The following ELFN1 variants were observed in gnomAD, a reference collection of about 807,000 sequenced individuals.
ELFN1 encodes the protein protein ELFN1.
In ELFN1, 6 loss-of-function variants were observed where a neutral mutation model predicts 7.6. That is an observed-to-expected ratio of 0.79 (90% CI 0.43 to 1.56). The LOEUF (loss-of-function observed/expected upper bound fraction) is 1.56, where lower values mean the gene tolerates loss of function less well. ELFN1 is among the 40% of genes most tolerant of loss of function. ELFN1 has a pLI of 0.01. For synonymous variants in ELFN1, 657 were observed against 588.1 expected, an observed-to-expected ratio of 1.12 and a Z score of -1.70; for missense variants, 1,169 against 1,232.2, an observed-to-expected ratio of 0.95 and a Z score of 0.77.
intron 3 of ELFN1, among the ~76,000 whole-genome samples, chr7:1,736,133 C>T (rs1780435493): frequency 1.3e-5 from 2 of 152,184 alleles, no homozygotes; most frequent in South Asian, 2.1e-4. Flanking sequence ...ATGGGCTCTG[C>T]GGCAGAGCCC....
chr7:1,689,389 G>T (rs1779115264), intron 2 of ELFN1, among the ~76,000 whole-genome samples: 1 of 152,198 alleles, frequency 6.6e-6, no homozygotes, highest in South Asian at 2.1e-4. Context: ...TAAGTGAGGG[G>T]AACAAAAGAT....
At position 1,744,950 on chromosome 7, in the gene ELFN1, C is replaced by T; in HGVS notation, c.354C>T (p.Asn118=). The T allele has an allele frequency of 6.4e-7, 1 of 1,551,602 alleles. No individual in the cohort carries two copies. Among genetic ancestry groups the T allele is most frequent in the Non-Finnish European group, 8.7e-7 (1 of 1,147,108 alleles). ...TGCAGGTGCTGCAGCTGGGCTACAACCGGCTGCGCAACCTCACGGAGGGCA... is the reference window on the plus strand; with the variant it reads ...TGCAGGTGCTGCAGCTGGGCTACAATCGGCTGCGCAACCTCACGGAGGGCA... ...FNLQVLQLGY[N]RLRNLTEGML... The change falls in exon 4 of 4, where the codon AAC becomes AAT. Residue 118 remains asparagine, a synonymous_variant. Transcript: ENST00000424383.
chr7:1,688,643 A>T (rs1381617307), intron 2 of ELFN1, among the ~76,000 whole-genome samples: 1 of 152,198 alleles, frequency 6.6e-6, no homozygotes, highest in Non-Finnish European at 1.5e-5. Context: ...CTATTTTAAG[A>T]CAATTGTACA....
At chr7:1,686,389 T>C (rs1322980948) in intron 1 of ELFN1, among the ~76,000 whole-genome samples, 1 of 149,656 alleles carries the variant, frequency 6.7e-6, no homozygotes, top group Non-Finnish European at 1.5e-5. Flanking sequence ...CATAGCTCAC[T>C]GCAGCCTGGA....
rs878915853 is a variant in ELFN1 at position 1,747,060 on chromosome 7, G to A, written c.2464G>A (p.Val822Met). 2.6e-6 allele frequency: 4 copies of A among 1,520,126 alleles called. No homozygotes were observed. Among genetic ancestry groups the A allele is most frequent in the East Asian group, 2.5e-5 (1 of 39,740 alleles). The allele number at this position is 1,520,126 out of a possible 1,614,324, so 94.2% of individuals were successfully genotyped here. A position where few individuals can be genotyped will look rare whatever the true frequency, so the allele number is the denominator to read the frequency against. ...LHDILDYWKG[V>M]SAQHKS ...CGACATCCTGGACTACTGGAAGGGC[G>A]TGTCGGCCCAGCACAAGTCCTGAGC... The change falls in exon 4 of 4, where the codon GTG becomes ATG. Residue 822 changes from valine to methionine, a missense_variant. Val to Met is a conservative substitution (Grantham distance 21). Around this residue, in one of 2 missense-constraint regions of ELFN1, gnomAD observed 914 missense variants for 872.6 expected, o/e 1.05. Coordinates refer to ENST00000424383, the MANE Select transcript of ELFN1 (RefSeq NM_001128636.4).
intron 3 of ELFN1, among the ~76,000 whole-genome samples, chr7:1,714,422 C>A (rs1351157901): frequency 6.6e-6 from 1 of 152,204 alleles, no homozygotes; most frequent in Non-Finnish European, 1.5e-5. Flanking sequence ...TCAAGCCTAC[C>A]GCCTTCCTCT....
chr7:1,714,638 C>T (rs1167025427), intron 3 of ELFN1, among the ~76,000 whole-genome samples: 1 of 152,186 alleles, frequency 6.6e-6, no homozygotes, highest in East Asian at 1.9e-4. Context: ...CCTACTATTG[C>T]TTTATTAAAA....
chr7:1,714,396 C>A (rs1368339885), intron 3 of ELFN1, among the ~76,000 whole-genome samples: 2 of 152,224 alleles, frequency 1.3e-5, no homozygotes, highest in Admixed American at 6.5e-5. Context: ...CACCACCCCC[C>A]ACACCACCTC....
chr7:1,700,142 G>T (rs1300886097), intron 2 of ELFN1, among the ~76,000 whole-genome samples: 1 of 152,164 alleles, frequency 6.6e-6, no homozygotes, highest in East Asian at 1.9e-4. Context: ...GGGGCTGCTG[G>T]GTGAAAGGCC....
intron 1 of ELFN1, among the ~76,000 whole-genome samples, chr7:1,680,672 C>T (rs1337221870): frequency 6.6e-6 from 1 of 151,870 alleles, no homozygotes; most frequent in Admixed American, 6.6e-5. Flanking sequence ...TCATGCCCAA[C>T]TGTAGTCAGC....
At chr7:1,731,030 A>G (rs1780314638) in intron 3 of ELFN1, among the ~76,000 whole-genome samples, 1 of 152,242 alleles carries the variant, frequency 6.6e-6, no homozygotes. Flanking sequence ...TAGTCGAGAC[A>G]CATAATTAAA....
At chr7:1,725,873 GCACAAAAATCACACACAAATACACACTCA>G (rs960317894) in intron 3 of ELFN1, among the ~76,000 whole-genome samples, 1 of 151,638 alleles carries the variant, frequency 6.6e-6, no homozygotes, top group African/African-American at 2.4e-5. Context: ...GTACACACTC[GCACAAAAATCACACACAAATACACACTCA>G]CACAAAAATC....
intron 3 of ELFN1, among the ~76,000 whole-genome samples, chr7:1,719,549 C>G (rs562532604): frequency 6.6e-6 from 1 of 152,332 alleles, no homozygotes; most frequent in African/African-American, 2.4e-5. Context: ...CCTCCCAGCC[C>G]CCGCAGTGCC....
chr7:1,667,009 T>C (rs1385023880), upstream of ELFN1, among the ~76,000 whole-genome samples: 1 of 151,890 alleles, frequency 6.6e-6, no homozygotes, highest in Non-Finnish European at 1.5e-5. This position sits in a 1 kb window ranked among gnomAD's most constrained non-coding sequence, Gnocchi z 8.2. Context: ...GGCTGCCGAG[T>C]GGGGCGGGAC....
intron 2 of ELFN1, among the ~76,000 whole-genome samples, chr7:1,704,797 C>G (rs55686716): frequency 9.7e-4 from 148 of 152,242 alleles, no homozygotes; most frequent in Non-Finnish European, 1.6e-3. Flanking sequence ...CACCTGTCTG[C>G]TGAGGGCCTG....
At chr7:1,722,932 C>G (rs559550967) in intron 3 of ELFN1, among the ~76,000 whole-genome samples, 2 of 152,150 alleles carry the variant, frequency 1.3e-5, no homozygotes, top group African/African-American at 4.8e-5. Context: ...CGGTGGCTCA[C>G]GCCTGTAATC....
intron 1 of ELFN1, among the ~76,000 whole-genome samples, chr7:1,678,218 G>T (rs748393044): frequency 8.5e-4 from 130 of 152,118 alleles, no homozygotes; most frequent in Non-Finnish European, 1.2e-3. Context: ...CATGCACAGG[G>T]GTGCACAGGC....
At chr7:1,703,581 C>T (rs73040536) in intron 2 of ELFN1, among the ~76,000 whole-genome samples, 4 of 152,174 alleles carry the variant, frequency 2.6e-5, no homozygotes, top group Non-Finnish European at 4.4e-5. Context: ...AGTTAATTGC[C>T]GCTTGCAGTT....
chr7:1,676,674 G>T (rs1778877071), intron 1 of ELFN1, among the ~76,000 whole-genome samples: 1 of 152,234 alleles, frequency 6.6e-6, no homozygotes, highest in Non-Finnish European at 1.5e-5. Context: ...CAAAGAGACA[G>T]GGAAGGAGGA....
Sources: gnomAD v4.1 joint callset for allele counts (sites outside exome capture counted in the v4.1 genomes callset) on GRCh38, gnomAD v4.1.1 for gene constraint, gnomAD v4.1.1 regional missense constraint, Gnocchi (gnomAD v3.1) non-coding constraint, MANE v1.5 for transcripts, NCBI Gene and HGNC (gene_info 2026-07-23, HGNC 2026-07-21) for gene names.